Variants in TANC2 observed in about 807,000 individuals in gnomAD.
TANC2 encodes the protein protein TANC2.
A neutral mutation model predicts 210.5 loss-of-function variants in TANC2; 26 were observed. The observed-to-expected ratio is 0.12, with a 90% confidence interval of 0.09 to 0.17. TANC2 has a LOEUF of 0.17. Among genes scored for constraint, TANC2 ranks in the 10% least tolerant of loss-of-function variants. TANC2 has a pLI of 1.00. For synonymous variants in TANC2, 931 were observed against 967.1 expected, an observed-to-expected ratio of 0.96 and a Z score of 0.69; for missense variants, 2,129 against 2,608.9, an observed-to-expected ratio of 0.82 and a Z score of 4.01.
intron 4 of TANC2, among the ~76,000 whole-genome samples, chr17:63,113,723 G>T (rs1254068306): frequency 6.6e-6 from 1 of 152,068 alleles, no homozygotes. Context: ...TGCCCAGGCT[G>T]GTCTAAAGTC....
chr17:63,202,347 C>CA (rs2041562480), intron 7 of TANC2, among the ~76,000 whole-genome samples: 1 of 151,992 alleles, frequency 6.6e-6, no homozygotes, highest in South Asian at 2.1e-4. Context: ...GGCTTCTGTC[C>CA]AAAACATAAA....
intron 5 of TANC2, 46 bp downstream of exon 5, chr17:63,151,426 A>ATCCAATCC: frequency 1.1e-6 from 1 of 903,316 alleles, no homozygotes; most frequent in South Asian, 5.1e-5. Context: ...GGAGGATTGG[A>ATCCAATCC]TCAGGCCCAT....
intron 8 of TANC2, among the ~76,000 whole-genome samples, chr17:63,247,953 A>G (rs978932840): frequency 1.3e-5 from 2 of 152,120 alleles, no homozygotes; most frequent in Non-Finnish European, 2.9e-5. Context: ...AAAGGAAGCT[A>G]TAAACCAAAT....
At chr17:63,386,216 A>G (rs1235721249) in intron 15 of TANC2, among the ~76,000 whole-genome samples, 1 of 152,240 alleles carries the variant, frequency 6.6e-6, no homozygotes, top group Non-Finnish European at 1.5e-5. Flanking sequence ...GTAATATGAA[A>G]GTGTTTTAAA....
intron 3 of TANC2, among the ~76,000 whole-genome samples, chr17:63,093,272 C>G (rs1351844440): frequency 6.6e-6 from 1 of 151,560 alleles, no homozygotes; most frequent in Non-Finnish European, 1.5e-5. Context: ...CAGTCTGTGA[C>G]TAATTTCTCT....
exon 28 of TANC2, chr17:63,427,406 C>A (rs1474985644): frequency 6.6e-6 from 1 of 152,224 alleles, no homozygotes; most frequent in Non-Finnish European, 1.5e-5. Context: ...AGTATATTAT[C>A]CAATGCATGT....
chr17:63,108,726 T>A (rs554050400), intron 4 of TANC2, among the ~76,000 whole-genome samples: 23 of 151,594 alleles, frequency 1.5e-4, no homozygotes, highest in Non-Finnish European at 3.4e-4. Flanking sequence ...GGAGAATCCC[T>A]TGAACCCGTG....
intron 5 of TANC2, among the ~76,000 whole-genome samples, chr17:63,191,975 A>AT (rs1404175640): frequency 6.6e-6 from 1 of 152,104 alleles, no homozygotes; most frequent in Admixed American, 6.5e-5. Context: ...AAGACTTAAG[A>AT]TGGAGGGATT....
intron 1 of TANC2, among the ~76,000 whole-genome samples, chr17:62,983,167 C>T (rs1250919208): frequency 1.3e-5 from 2 of 151,966 alleles, no homozygotes; most frequent in African/African-American, 4.8e-5. Flanking sequence ...TCTTCAACTC[C>T]TCAGTTAAAT....
At chr17:63,370,354 A>G (rs1435208062) in intron 14 of TANC2, among the ~76,000 whole-genome samples, 1 of 151,514 alleles carries the variant, frequency 6.6e-6, no homozygotes, top group Non-Finnish European at 1.5e-5. Context: ...AATTTTTTGT[A>G]TTTTTAGTAG....
At chr17:63,351,414 C>A in exon 13 of TANC2, 1 of 1,590,264 alleles carries the variant, frequency 6.3e-7, no homozygotes, top group Non-Finnish European at 8.5e-7. Flanking sequence ...GACCAGTTTA[C>A]AGGTATGTGT....
At chr17:63,148,933 C>T (rs1200760861) in intron 4 of TANC2, 1 of 152,108 alleles carries the variant, frequency 6.6e-6, no homozygotes, top group East Asian at 1.9e-4. Flanking sequence ...ACAAATGACA[C>T]TAGTTTTCTG....
intron 7 of TANC2, among the ~76,000 whole-genome samples, chr17:63,225,807 A>C (rs1219917536): frequency 6.6e-6 from 1 of 152,326 alleles, no homozygotes. Context: ...GTTTGCCTTC[A>C]ATCAGGTAAT....
intron 1 of TANC2, among the ~76,000 whole-genome samples, chr17:62,972,488 A>G (rs1017058645): frequency 6.6e-6 from 1 of 152,236 alleles, no homozygotes; most frequent in Non-Finnish European, 1.5e-5. Context: ...TAGTTGCATT[A>G]TAGAAATGAT....
chr17:63,018,471 ACT>A (rs2034205231), intron 2 of TANC2, among the ~76,000 whole-genome samples: 1 of 149,950 alleles, frequency 6.7e-6, no homozygotes, highest in Admixed American at 6.7e-5. Flanking sequence ...ACAGAGTGAG[ACT>A]CTGTCTCAAA....
At chr17:63,266,779 T>C (rs1291339012) in intron 8 of TANC2, among the ~76,000 whole-genome samples, 1 of 152,210 alleles carries the variant, frequency 6.6e-6, no homozygotes, top group Non-Finnish European at 1.5e-5. Flanking sequence ...GGGGTTTTTT[T>C]TCCCTCTCAC....
At chr17:63,131,940 T>C (rs1358643038) in intron 4 of TANC2, among the ~76,000 whole-genome samples, 1 of 152,240 alleles carries the variant, frequency 6.6e-6, no homozygotes, top group Non-Finnish European at 1.5e-5. Context: ...TGAAACTTTC[T>C]AAAGTTATTT....
At chr17:63,319,161 C>A in intron 11 of TANC2, 71 bp downstream of exon 11, 1 of 1,501,410 alleles carries the variant, frequency 6.7e-7, no homozygotes, top group Non-Finnish European at 9.0e-7. Flanking sequence ...GATAGGGAGA[C>A]CTTTGGCAAA....
chr17:63,278,167 T>G (rs912197347), intron 9 of TANC2, among the ~76,000 whole-genome samples: 34 of 151,976 alleles, frequency 2.2e-4, no homozygotes, highest in African/African-American at 8.2e-4. Context: ...AGGAGAAGGA[T>G]AAGGAGAAGC....
Sources: allele counts gnomAD v4.1 joint callset (sites outside exome capture counted in the v4.1 genomes callset), GRCh38; gene constraint gnomAD v4.1.1; transcripts MANE v1.5; gene names NCBI Gene and HGNC (gene_info 2026-07-23, HGNC 2026-07-21).